PADI4: variants seen among roughly 807,000 people sequenced by gnomAD.
The protein encoded by PADI4 is peptidyl arginine deiminase 4, also known as protein-arginine deiminase type-4.
PADI4 carries 62 observed loss-of-function variants against 75.0 expected under a neutral mutation model. The ratio of observed to expected loss-of-function variants is 0.83; its 90% confidence interval spans 0.67 to 1.02. The LOEUF (loss-of-function observed/expected upper bound fraction) is 1.02. Ranked by LOEUF, PADI4 falls within the 50% of genes least tolerant of loss-of-function variation. The probability of loss-of-function intolerance (pLI) is 0.00; values close to 1 mark genes in which losing one functional copy is unlikely to be tolerated. For synonymous variants in PADI4, 361 were observed against 348.1 expected (o/e 1.04, Z -0.41); for missense variants, 845 against 850.5 (o/e 0.99, Z 0.08).
intron 1 of PADI4, among the ~76,000 whole-genome samples, chr1:17,316,945 T>C (rs1405056818): frequency 6.6e-6 from 1 of 152,064 alleles, no homozygotes; most frequent in Non-Finnish European, 1.5e-5. Flanking sequence ...CTCATAGTGC[T>C]GCCGTGAATG....
At chr1:17,321,397 T>C (rs191051839) in intron 1 of PADI4, among the ~76,000 whole-genome samples, 63 of 152,300 alleles carry the variant, frequency 4.1e-4, no homozygotes, top group Middle Eastern at 3.4e-3. Context: ...TATACCTAAC[T>C]CTTGAGTTTG....
chr1:17,310,838 T>C (rs1333996814), intron 1 of PADI4, among the ~76,000 whole-genome samples: 1 of 151,968 alleles, frequency 6.6e-6, no homozygotes, highest in Non-Finnish European at 1.5e-5. Flanking sequence ...ATGGCTCACA[T>C]CTGTAATCCC....
rs145395275 is a variant in PADI4, at chr1:17,342,331, C to T, written c.864C>T (p.Ser288=). The change falls in exon 8 of 16, where the codon AGC becomes AGT. Residue 288 remains serine (S), a synonymous_variant. Transcript: ENST00000375448. ...ELPEAVVFQD[S]VVFRVAPWIM... The stretch of plus-strand genomic sequence containing the variant: ...CCGAGGCTGTGGTGTTCCAAGACAG[C>T]GTGGTCTTCCGCGTGGCGCCCTGGA... 5.1e-4 allele frequency: 825 copies of T among 1,613,618 alleles called. 3 individuals are homozygous for T. The highest frequency in any genetic ancestry group is 4.3e-4 in the Non-Finnish European group (505 of 1,179,714).
chr1:17,359,956 G>C (rs1326113248), intron 15 of PADI4, among the ~76,000 whole-genome samples: 1 of 152,184 alleles, frequency 6.6e-6, no homozygotes, highest in Admixed American at 6.5e-5. Flanking sequence ...CGGGTGCCAG[G>C]TGCTAATCAC....
chr1:17,335,963 G>A (rs138311179), intron 3 of PADI4, among the ~76,000 whole-genome samples, 196 bp from the exon 4 acceptor site: 117 of 152,354 alleles, frequency 7.7e-4, no homozygotes, highest in Admixed American at 9.8e-4. Flanking sequence ...TCTGCTGTCC[G>A]AACTGTAGCC....
Position 17,354,608 on chromosome 1 carries a change from G to A in PADI4, c.1231G>A (p.Glu411Lys), listed in dbSNP as rs754840751. ...TGGACTGGACTCCTTTGGGAACCTG[G>A]AAGTGAGCCCCCCAGTCACAGTCAG... Reference protein sequence around the residue: ...ISGLDSFGNLEVSPPVTVRGK... With the variant: ...ISGLDSFGNLKVSPPVTVRGK... Residue 411 changes from glutamate (E) to lysine (K), a missense_variant, in exon 11 of 16, where the codon GAA (glutamate) becomes AAA (lysine). Physicochemically the swap from Glu to Lys is moderately conservative, Grantham distance 56 (BLOSUM62 1). Coordinates refer to ENST00000375448, the MANE Select transcript of PADI4 (RefSeq NM_012387.3). 1.9e-6 allele frequency: 3 copies of A among 1,614,138 alleles called. No individual in the cohort carries two copies. The highest frequency in any genetic ancestry group is 2.5e-6 in the Non-Finnish European group (3 of 1,179,990).
intron 1 of PADI4, among the ~76,000 whole-genome samples, chr1:17,321,034 T>C (rs987658375): frequency 1.3e-5 from 2 of 152,184 alleles, no homozygotes; most frequent in Non-Finnish European, 2.9e-5. Flanking sequence ...TTTGGGGGAC[T>C]AGGGTGTGGT....
chr1:17,342,226 C>A, intron 7 of PADI4, 73 bp from the exon 8 acceptor site: 1 of 1,425,312 alleles, frequency 7.0e-7, no homozygotes, highest in Admixed American at 1.7e-5. Flanking sequence ...CTCCAAACAG[C>A]TGCAGGAAGT....
intron 8 of PADI4, among the ~76,000 whole-genome samples, chr1:17,342,891 C>T (rs1051691068): frequency 1.3e-5 from 2 of 152,226 alleles, no homozygotes; most frequent in African/African-American, 4.8e-5. Flanking sequence ...ACGAGAATTG[C>T]TTGAACCCTG....
rs1164988808 is a variant in PADI4, at chr1:17,355,914, C to T, written c.1311-69C>T. 12 of 1,571,198 alleles carry T rather than the reference C, an allele frequency of 7.6e-6. No individual in the cohort carries two copies. In the South Asian group the frequency reaches 1.1e-4, roughly 15 times the overall value. ...GAGAACCCTGACCTTTTTGCCAAGCCCCTTGTCCTTCAGGGACTTCCCTGT... is the reference window on the plus strand; with the variant it reads ...GAGAACCCTGACCTTTTTGCCAAGCTCCTTGTCCTTCAGGGACTTCCCTGT... On this transcript the variant is annotated intron_variant, in intron 11 of 15. Coordinates refer to ENST00000375448, the MANE Select transcript of PADI4 (RefSeq NM_012387.3).
In PADI4 at chr1:17,336,194, A is replaced by G; in HGVS notation, c.376A>G (p.Lys126Glu). ...GTGCGCAGACATCACCCGCACCGGC[A>G]AAGTGAAGCCAACCAGAGCTGTGAA... ...SLCADITRTG[K>E]VKPTRAVKDQ... The change falls in exon 4 of 16, where the codon AAA becomes GAA. Residue 126 changes from lysine to glutamate, a missense_variant. By Grantham distance (56) the Lys-to-Glu change is moderately conservative. Transcript: ENST00000375448. 1.2e-6 allele frequency: 2 copies of G among 1,613,884 alleles called. No homozygotes were observed. The highest frequency in any genetic ancestry group is 1.3e-5 in the African/African-American group (1 of 75,044).
intron 1 of PADI4, among the ~76,000 whole-genome samples, chr1:17,312,976 G>T (rs1273980273): frequency 1.3e-5 from 2 of 151,978 alleles, no homozygotes; most frequent in Non-Finnish European, 2.9e-5. Context: ...CAGATCATGA[G>T]GTCAAGGGAT....
At chr1:17,309,917 A>T (rs1231243130) in intron 1 of PADI4, among the ~76,000 whole-genome samples, 1 of 152,174 alleles carries the variant, frequency 6.6e-6, no homozygotes, top group Non-Finnish European at 1.5e-5. Flanking sequence ...CTAGCCCTCT[A>T]CCCAGCGTCC....
intron 8 of PADI4, among the ~76,000 whole-genome samples, chr1:17,343,571 A>C (rs1431091749): frequency 2.6e-5 from 4 of 152,134 alleles, no homozygotes; most frequent in African/African-American, 7.2e-5. Flanking sequence ...CTGTGTCTCC[A>C]CCCAAATCTT....
intron 10 of PADI4, 35 bp downstream of exon 10, chr1:17,348,083 C>G (rs369334315): frequency 7.5e-7 from 1 of 1,339,844 alleles, no homozygotes; most frequent in East Asian, 2.3e-5. Flanking sequence ...GCACAGCTGC[C>G]GAAACCCTCT....
chr1:17,354,476 A>T, intron 10 of PADI4, 57 bp from the exon 11 acceptor site: 7 of 1,532,148 alleles, frequency 4.6e-6, no homozygotes, highest in Non-Finnish European at 6.3e-6. Flanking sequence ...GGACCCCCCG[A>T]CCCTTCACCA....
chr1:17,342,563 T>C (rs1570055486), intron 8 of PADI4, among the ~76,000 whole-genome samples, 161 bp downstream of exon 8: 1 of 152,192 alleles, frequency 6.6e-6, no homozygotes, highest in African/African-American at 2.4e-5. Context: ...TTCCCTACTG[T>C]TGTTGTCATT....
chr1:17,352,165 T>C (rs973392115), intron 10 of PADI4, among the ~76,000 whole-genome samples: 11 of 139,978 alleles, frequency 7.9e-5, no homozygotes, highest in African/African-American at 2.5e-4. Context: ...AGGGAGGTGA[T>C]GAGAGGTGGT....
chr1:17,317,477 G>T (rs2073960992), intron 1 of PADI4, among the ~76,000 whole-genome samples: 2 of 149,036 alleles, frequency 1.3e-5, no homozygotes, highest in Admixed American at 6.7e-5. Context: ...CACCATGTTG[G>T]CCAGGCTGGT....
Sources: gnomAD v4.1 joint callset for allele counts (sites outside exome capture counted in the v4.1 genomes callset) on GRCh38, gnomAD v4.1.1 for gene constraint, MANE v1.5 for transcripts, NCBI Gene and HGNC (gene_info 2026-07-23, HGNC 2026-07-21) for gene names.